The following FBXO28 variants were observed in gnomAD, a reference collection of about 807,000 sequenced individuals.
The protein encoded by FBXO28 is F-box protein 28.
FBXO28 carries 8 observed loss-of-function variants against 38.1 expected under a neutral mutation model. The observed-to-expected ratio is 0.21, with a 90% CI of 0.12 to 0.38. FBXO28 has a LOEUF of 0.38. Among genes scored for constraint, FBXO28 ranks in the 10% least tolerant of loss-of-function variants. FBXO28 has a pLI of 1.00. For missense variants in FBXO28, 345 were observed against 460.6 expected (o/e 0.75, Z 2.30); for synonymous variants, 168 against 173.8 (o/e 0.97, Z 0.26).
chr1:224,147,766 C>T (rs1397171556), intron 3 of FBXO28, among the ~76,000 whole-genome samples: 3 of 149,378 alleles, frequency 2.0e-5, no homozygotes, highest in South Asian at 2.1e-4. Context: ...TTCCTAAGGC[C>T]TGTGGTCTTT....
intron 3 of FBXO28, among the ~76,000 whole-genome samples, chr1:224,149,364 T>A (rs1387339429): frequency 6.6e-6 from 1 of 151,712 alleles, no homozygotes; most frequent in Non-Finnish European, 1.5e-5. Flanking sequence ...GCTAATTTTT[T>A]AATTTTTTGT....
chr1:224,141,088 A>G (rs1367515327), intron 3 of FBXO28, among the ~76,000 whole-genome samples: 2 of 152,128 alleles, frequency 1.3e-5, no homozygotes, highest in Non-Finnish European at 2.9e-5. Flanking sequence ...AGGCTGAGAT[A>G]GGAGAATCGC....
At chr1:224,122,324 G>T (rs1452651905) in intron 1 of FBXO28, among the ~76,000 whole-genome samples, 1 of 152,112 alleles carries the variant, frequency 6.6e-6, no homozygotes, top group Non-Finnish European at 1.5e-5. Flanking sequence ...GTGTGTATGT[G>T]TGCATCTATC....
At chr1:224,136,788 G>T (rs10799485) in intron 3 of FBXO28, among the ~76,000 whole-genome samples, 1 of 151,284 alleles carries the variant, frequency 6.6e-6, no homozygotes, top group African/African-American at 2.5e-5. Flanking sequence ...GTCTCGTTCT[G>T]TCGCCCAGGC....
At chr1:224,121,253 G>C (rs1471203774) in intron 1 of FBXO28, among the ~76,000 whole-genome samples, 1 of 152,026 alleles carries the variant, frequency 6.6e-6, no homozygotes, top group African/African-American at 2.4e-5. Context: ...AATCCAAAAG[G>C]CTTTTTTATG....
chr1:224,146,985 C>T (rs1311682578), intron 3 of FBXO28, among the ~76,000 whole-genome samples: 1 of 151,492 alleles, frequency 6.6e-6, no homozygotes, highest in African/African-American at 2.4e-5. Context: ...GGATTACAGG[C>T]GTGAGCCACC....
chr1:224,119,165 G>A (rs1439903407), intron 1 of FBXO28, among the ~76,000 whole-genome samples: 4 of 108,846 alleles, frequency 3.7e-5, no homozygotes, highest in African/African-American at 1.0e-4. Flanking sequence ...ACGGAATCTC[G>A]CTCTGTCGCC....
At chr1:224,132,274 G>C (rs1163098415) in intron 2 of FBXO28, among the ~76,000 whole-genome samples, 2 of 152,020 alleles carry the variant, frequency 1.3e-5, no homozygotes, top group African/African-American at 4.8e-5. Context: ...CAAAGGATTT[G>C]AATAGACACT....
chr1:224,146,209 G>A (rs898755859), intron 3 of FBXO28, among the ~76,000 whole-genome samples: 3 of 151,834 alleles, frequency 2.0e-5, no homozygotes, highest in Non-Finnish European at 4.4e-5. Flanking sequence ...ACTCCAGCCT[G>A]GGCGATAGAG....
chr1:224,121,314 G>C (rs1656766854), intron 1 of FBXO28, among the ~76,000 whole-genome samples: 1 of 152,106 alleles, frequency 6.6e-6, no homozygotes, highest in African/African-American at 2.4e-5. Context: ...CTTCCTAATT[G>C]TTATACTTAG....
Position 224,114,376 on chromosome 1 carries a change from G to A in FBXO28, c.247G>A (p.Glu83Lys), listed in dbSNP as rs1326452453. The change falls in exon 1 of 5, where the codon GAA (glutamate) becomes AAA (lysine). Residue 83 changes from glutamate (E) to lysine (K), a missense_variant. Glu to Lys is a moderately conservative substitution (Grantham distance 56). Around this residue, in one of 6 missense-constraint regions of FBXO28, gnomAD observed 56 missense variants for 99.8 expected, o/e 0.56. Coordinates refer to ENST00000366862, the MANE Select transcript of FBXO28 (RefSeq NM_015176.4). ...CATCCTCAGCTTTATGTCCTACGAC[G>A]AAATTAGCCAGCTCCGCCTGGTGAG... ...ENILSFMSYDEISQLRLVCKR... is the reference protein window; with the variant it reads ...ENILSFMSYDKISQLRLVCKR... 1.3e-6 allele frequency: 2 copies of A among 1,591,348 alleles called. No individual in the cohort carries two copies. The highest frequency in any genetic ancestry group is 1.7e-6 in the Non-Finnish European group (2 of 1,168,048).
At chr1:224,144,426 A>G (rs1657448109) in intron 3 of FBXO28, among the ~76,000 whole-genome samples, 2 of 151,974 alleles carry the variant, frequency 1.3e-5, no homozygotes, top group South Asian at 4.2e-4. Context: ...ATGCCACTGC[A>G]CTCCAGCCTG....
At chr1:224,138,543 C>A (rs1372535558) in intron 3 of FBXO28, among the ~76,000 whole-genome samples, 1 of 151,782 alleles carries the variant, frequency 6.6e-6, no homozygotes, top group South Asian at 2.1e-4. Flanking sequence ...TGTTGGCTTA[C>A]TCCTGTATAC....
chr1:224,151,127 A>G (rs765377406), intron 3 of FBXO28, among the ~76,000 whole-genome samples: 6 of 152,172 alleles, frequency 3.9e-5, no homozygotes, highest in Non-Finnish European at 4.4e-5. Flanking sequence ...AGCTCGTAAT[A>G]TAGTAATATT....
At chr1:224,154,289 G>C (rs1406270223) in intron 4 of FBXO28, among the ~76,000 whole-genome samples, 1 of 152,180 alleles carries the variant, frequency 6.6e-6, no homozygotes, top group Admixed American at 6.5e-5. Flanking sequence ...CTATTGTACT[G>C]AAAGTGAAAA....
At position 224,153,317 on chromosome 1, in the gene FBXO28, G is replaced by T. The variant is rs1183433648; in HGVS notation, c.692G>T (p.Arg231Ile). The T allele has an allele frequency of 6.2e-7, 1 of 1,601,920 alleles. No homozygotes were observed. ...TTACCAGGATCAGATGTTTCTGGAA[G>T]ACTCATGGGCTCTCCTCCAGGTATC... ...RKLPGSDVSG[R>I]LMGSPPVPGP... is the part of the protein sequence containing the mutation. Residue 231 changes from arginine to isoleucine, a missense_variant, in exon 4 of 5, where the codon AGA becomes ATA. Coordinates refer to ENST00000366862, the MANE Select transcript of FBXO28 (RefSeq NM_015176.4).
intron 1 of FBXO28, among the ~76,000 whole-genome samples, chr1:224,127,164 T>TGTGTGTG (rs1656923353): frequency 1.1e-5 from 1 of 88,482 alleles, no homozygotes; most frequent in African/African-American, 3.9e-5. Context: ...TGTAAAGTAT[T>TGTGTGTG]TGTGTGTGTG....
chr1:224,141,890 A>AT (rs1379376094), intron 3 of FBXO28, among the ~76,000 whole-genome samples: 66 of 103,600 alleles, frequency 6.4e-4, no homozygotes, highest in African/African-American at 2.5e-3. Context: ...AGGCTACATT[A>AT]ATTTTTTTTT....
At chr1:224,138,983 C>G (rs1657266669) in intron 3 of FBXO28, among the ~76,000 whole-genome samples, 2 of 151,612 alleles carry the variant, frequency 1.3e-5, no homozygotes, top group Non-Finnish European at 2.9e-5. Flanking sequence ...CGGGGTTTGA[C>G]CGTGTTAGCC....
Sources: gnomAD v4.1 joint callset for allele counts (sites outside exome capture counted in the v4.1 genomes callset) on GRCh38, gnomAD v4.1.1 for gene constraint, gnomAD v4.1.1 regional missense constraint, MANE v1.5 for transcripts, NCBI Gene and HGNC (gene_info 2026-07-23, HGNC 2026-07-21) for gene names.